The following SLC15A4 variants were observed in gnomAD, a reference collection of about 807,000 sequenced individuals.
SLC15A4 encodes the protein hPHT1.
In SLC15A4, 26 loss-of-function variants were observed where a neutral mutation model predicts 46.1. The ratio of observed to expected loss-of-function variants is 0.56; its 90% CI spans 0.41 to 0.78. The LOEUF is 0.78. SLC15A4 is among the 30% of genes least tolerant of loss of function. The pLI, the probability that SLC15A4 is intolerant of heterozygous loss-of-function variation, is 0.00. For missense variants in SLC15A4, 751 were observed against 755.7 expected, an observed-to-expected ratio of 0.99 and a Z score of 0.07; for synonymous variants, 370 against 333.4, an observed-to-expected ratio of 1.11 and a Z score of -1.20.
intron 5 of SLC15A4, among the ~76,000 whole-genome samples, chr12:128,805,291 T>C (rs557943237): frequency 1.1e-4 from 16 of 152,022 alleles, no homozygotes; most frequent in Middle Eastern, 3.2e-3. Flanking sequence ...GAGACTAACG[T>C]TGAATCAAAG....
At chr12:128,798,962 T>G (rs1955481009) in intron 7 of SLC15A4, among the ~76,000 whole-genome samples, 1 of 152,190 alleles carries the variant, frequency 6.6e-6, no homozygotes, top group Non-Finnish European at 1.5e-5. Context: ...TGCTTGTCTG[T>G]CAAGGACGTC....
intron 1 of SLC15A4, 159 bp from the exon 2 acceptor site, chr12:128,815,229 C>T: frequency 2.9e-6 from 2 of 687,336 alleles, no homozygotes; most frequent in Non-Finnish European, 4.9e-6. Flanking sequence ...CGGATCTCAA[C>T]AAAAAGCACA....
At chr12:128,803,983 G>A (rs2135709419) in intron 5 of SLC15A4, among the ~76,000 whole-genome samples, 1 of 152,228 alleles carries the variant, frequency 6.6e-6, no homozygotes, top group South Asian at 2.1e-4. Context: ...TGTTATTCTT[G>A]GACCATGCAC....
At chr12:128,804,633 G>A (rs1816386191) in intron 5 of SLC15A4, among the ~76,000 whole-genome samples, 2 of 152,234 alleles carry the variant, frequency 1.3e-5, no homozygotes, top group South Asian at 4.1e-4. Flanking sequence ...TGGAGGCTGA[G>A]GCAGGAGAAT....
At chr12:128,810,371 A>T in intron 2 of SLC15A4, 1 of 427,020 alleles carries the variant, frequency 2.3e-6, no homozygotes, top group East Asian at 4.9e-5. Context: ...TGGCTGGAAG[A>T]TCTGTGATGA....
At chr12:128,802,921 C>G (rs1053530736) in intron 5 of SLC15A4, among the ~76,000 whole-genome samples, 1 of 152,176 alleles carries the variant, frequency 6.6e-6, no homozygotes, top group African/African-American at 2.4e-5. Context: ...AGGATCGGGA[C>G]GGGTGCCCCC....
chr12:128,797,469 A>C (rs1161050203), intron 7 of SLC15A4, among the ~76,000 whole-genome samples: 2 of 152,228 alleles, frequency 1.3e-5, no homozygotes, highest in African/African-American at 4.8e-5. Flanking sequence ...CTGCAAACAC[A>C]GCAAGCTGTG....
intron 1 of SLC15A4, 62 bp downstream of exon 1, chr12:128,823,336 A>C (rs1566060959): frequency 6.8e-6 from 9 of 1,317,180 alleles, no homozygotes; most frequent in Non-Finnish European, 8.7e-6. Context: ...GGGCAGGGGA[A>C]GAGGCTGGGG....
chr12:128,799,487 C>G (rs1304156549), intron 6 of SLC15A4, 70 bp from the exon 7 acceptor site: 4 of 1,551,722 alleles, frequency 2.6e-6, no homozygotes, highest in Non-Finnish European at 3.5e-6. Context: ...AAGCTTTCAC[C>G]TAATATAGCA....
chr12:128,794,109 G>A lies in SLC15A4; in HGVS notation c.*87C>T. 8.1e-7 allele frequency: 1 copy of A among 1,239,172 alleles called. No individual in the cohort carries two copies. Among genetic ancestry groups the A allele is most frequent in the Non-Finnish European group, 1.1e-6 (1 of 890,226 alleles). The allele number at this position is 1,239,172 out of a possible 1,614,324, so 76.8% of individuals were successfully genotyped here. A position where few individuals can be genotyped will look rare whatever the true frequency, so the allele number is the denominator to read the frequency against. ...GTTTCAGTGAAGTCAGACATTTTAT[G>A]GGAATTTAAAGTCTTGCCTGTTCTC... On this transcript the variant is annotated 3_prime_UTR_variant, in exon 8 of 8. Coordinates refer to ENST00000266771, the MANE Select transcript of SLC15A4 (RefSeq NM_145648.4).
chr12:128,822,827 C>A (rs1206084683), intron 1 of SLC15A4, among the ~76,000 whole-genome samples: 1 of 152,054 alleles, frequency 6.6e-6, no homozygotes, highest in East Asian at 1.9e-4. Context: ...TGAGCCACTG[C>A]GCTCAGCGTA....
At position 128,799,254 on chromosome 12, in the gene SLC15A4, CTTA is replaced by C; in HGVS notation, c.1573+2_1573+4del. On this transcript the variant is annotated splice_donor_variant and splice_donor_region_variant and intron_variant, in intron 7 of 7. Coordinates refer to ENST00000266771, the MANE Select transcript of SLC15A4 (RefSeq NM_145648.4). LOFTEE classifies it high-confidence loss of function. Reference sequence around the variant, plus strand: ...TTTCAAAAGGGACAGGATGCTGGCTCTTACCAAAGTCTGTGTGACTGCTCATCC... The same window carrying C: ...TTTCAAAAGGGACAGGATGCTGGCTCCCAAAGTCTGTGTGACTGCTCATCC... The C allele has an allele frequency of 6.2e-7, 1 of 1,614,136 alleles. No individual in the cohort carries two copies.
chr12:128,799,376 T>G lies in SLC15A4; in HGVS notation c.1456A>C (p.Ser486Arg), dbSNP rs1298825747. The stretch of plus-strand genomic sequence containing the variant: ...AAAAAGAACAAGCCCATTATGGCAC[T>G]CTGCATGGACTTGGGGGCAGCTGAG... Reference protein sequence around the residue: ...AYSAAPKSMQSAIMGLFFFFS... With the variant: ...AYSAAPKSMQRAIMGLFFFFS... Residue 486 changes from serine (S) to arginine (R), a missense_variant, in exon 7 of 8, where the codon AGT (serine) becomes CGT (arginine). Transcript: ENST00000266771. 1 of 1,614,088 alleles carries G rather than the reference T, an allele frequency of 6.2e-7. No homozygotes were observed. The highest frequency in any genetic ancestry group is 1.3e-5 in the African/African-American group (1 of 74,924).
rs1345897162 is a variant in SLC15A4, at chr12:128,794,301, T to C, written c.1629A>G (p.Gln543=). ...NYYFFLLAAI[Q]GATLLLFLII... ...TGAGGAAAAGCAGGAGGGTAGCTCC[T>C]TGAATAGCAGCCAGAAGAAAAAAGT... Residue 543 remains glutamine (Q), a synonymous_variant, in exon 8 of 8, where the codon CAA becomes CAG. Transcript: ENST00000266771. The C allele has an allele frequency of 1.2e-6, 2 of 1,613,804 alleles. No homozygotes were observed. Among genetic ancestry groups the C allele is most frequent in the African/African-American group, 1.3e-5 (1 of 74,998 alleles).
rs749972447 is a variant in SLC15A4 at position 128,814,822 on chromosome 12, C to T, written c.795G>A (p.Thr265=). The T allele has an allele frequency of 6.8e-6, 11 of 1,614,050 alleles. No homozygotes were observed. Among genetic ancestry groups the T allele is most frequent in the East Asian group, 2.2e-5 (1 of 44,898 alleles). The part of the protein sequence containing the change: ...SAFTDMFKIL[T]YSCCSQKRSG... The stretch of plus-strand genomic sequence containing the variant: ...TTCGCTTCTGGGAACAGCAGGAATA[C>T]GTCAGTATCTTGAACATGTCGGTGA... The change falls in exon 2 of 8, where the codon ACG becomes ACA. Residue 265 remains threonine, a synonymous_variant. Transcript: ENST00000266771.
intron 7 of SLC15A4, among the ~76,000 whole-genome samples, chr12:128,797,931 A>T (rs1955466028): frequency 6.6e-6 from 1 of 152,220 alleles, no homozygotes; most frequent in South Asian, 2.1e-4. Context: ...CGCCTCCTTC[A>T]TGAAACATTT....
intron 5 of SLC15A4, among the ~76,000 whole-genome samples, chr12:128,806,151 C>G (rs1397866459): frequency 8.5e-6 from 1 of 117,198 alleles, no homozygotes; most frequent in Non-Finnish European, 1.7e-5. Context: ...GCCTGGGCGA[C>G]AGAGACTCTG....
At chr12:128,802,574 A>C (rs1460370681) in intron 5 of SLC15A4, among the ~76,000 whole-genome samples, 1 of 152,150 alleles carries the variant, frequency 6.6e-6, no homozygotes, top group Non-Finnish European at 1.5e-5. Context: ...GGATGACACC[A>C]AAGTGTCTGC....
At chr12:128,804,744 T>C (rs999243343) in intron 5 of SLC15A4, among the ~76,000 whole-genome samples, 1 of 152,120 alleles carries the variant, frequency 6.6e-6, no homozygotes, top group South Asian at 2.1e-4. Flanking sequence ...AATGAAAAAG[T>C]TATCAAATTT....
Sources: gnomAD v4.1 joint callset for allele counts (sites outside exome capture counted in the v4.1 genomes callset) on GRCh38, gnomAD v4.1.1 for gene constraint, MANE v1.5 for transcripts, NCBI Gene and HGNC (gene_info 2026-07-23, HGNC 2026-07-21) for gene names.